Variants in NUP98 observed in about 807,000 individuals in gnomAD.
The protein encoded by NUP98 is nuclear pore complex protein Nup98-Nup96.
In NUP98, 26 loss-of-function variants were observed where a neutral mutation model predicts 191.9. That is an observed-to-expected ratio of 0.14 (90% CI 0.10 to 0.19). The LOEUF (loss-of-function observed/expected upper bound fraction) is 0.19. Among genes scored for constraint, NUP98 ranks in the 10% least tolerant of loss-of-function variants. The probability of loss-of-function intolerance (pLI) is 1.00; values close to 1 mark genes in which losing one functional copy is unlikely to be tolerated. For missense variants in NUP98, 1,941 were observed against 2,178.8 expected, an observed-to-expected ratio of 0.89 and a Z score of 2.17; for synonymous variants, 808 against 778.4, an observed-to-expected ratio of 1.04 and a Z score of -0.63.
chr11:3,788,784 T>TA (rs1166430757), intron 1 of NUP98, among the ~76,000 whole-genome samples: 1 of 151,314 alleles, frequency 6.6e-6, no homozygotes, highest in Non-Finnish European at 1.5e-5. Context: ...CCGTCTCTAC[T>TA]AAAAAATACA....
chr11:3,761,767 A>G (rs933354687), intron 9 of NUP98, among the ~76,000 whole-genome samples: 13 of 151,564 alleles, frequency 8.6e-5, no homozygotes, highest in African/African-American at 3.2e-4. Context: ...TCAAAAAAAC[A>G]AAACAAAACA....
At chr11:3,719,590 G>C in intron 17 of NUP98, 40 bp from the exon 18 acceptor site, 6 of 1,424,148 alleles carry the variant, frequency 4.2e-6, no homozygotes, top group Non-Finnish European at 5.7e-6. Context: ...CATTCTGTAT[G>C]AAGGCAAATA....
chr11:3,778,198 C>CA (rs71302029), intron 4 of NUP98, among the ~76,000 whole-genome samples: 11,116 of 59,862 alleles, frequency 0.19, 893 homozygotes, highest in East Asian at 0.25. Flanking sequence ...GACTCCATCT[C>CA]AAAAAAAAAA....
chr11:3,714,120 T>C (rs2134176028), intron 18 of NUP98, 125 bp from the exon 19 acceptor site: 1 of 989,306 alleles, frequency 1.0e-6, no homozygotes, highest in South Asian at 1.5e-5. Flanking sequence ...TTATTCTGCA[T>C]GTGTCATAAA....
chr11:3,736,532 C>G (rs1170965272), intron 12 of NUP98, among the ~76,000 whole-genome samples: 1 of 152,114 alleles, frequency 6.6e-6, no homozygotes, highest in Non-Finnish European at 1.5e-5. Context: ...GGGCGCACAC[C>G]TATAACCCCA....
At chr11:3,795,320 C>G (rs2082491196) in intron 1 of NUP98, among the ~76,000 whole-genome samples, 1 of 152,096 alleles carries the variant, frequency 6.6e-6, no homozygotes, top group Non-Finnish European at 1.5e-5. Flanking sequence ...GTGGTGCACA[C>G]CTGTGGTCTC....
chr11:3,715,051 C>T (rs913938909), intron 18 of NUP98, among the ~76,000 whole-genome samples: 5 of 152,168 alleles, frequency 3.3e-5, no homozygotes, highest in South Asian at 2.1e-4. Flanking sequence ...TTAACTCTTC[C>T]GGGAACCACC....
chr11:3,680,732 C>T (rs1262303051), intron 30 of NUP98, among the ~76,000 whole-genome samples: 1 of 151,974 alleles, frequency 6.6e-6, no homozygotes, highest in Non-Finnish European at 1.5e-5. Context: ...ACTTTTGGTA[C>T]AGATGGGGTT....
At chr11:3,764,022 C>A (rs1399881795) in intron 8 of NUP98, among the ~76,000 whole-genome samples, 1 of 152,190 alleles carries the variant, frequency 6.6e-6, no homozygotes, top group Non-Finnish European at 1.5e-5. Context: ...TCATAAAATT[C>A]ACTCATTTAC....
In NUP98 at chr11:3,679,659, G is replaced by A; in HGVS notation, c.4968C>T (p.Asp1656=). The change falls in exon 31 of 33, where the codon GAC becomes GAT. Residue 1656 remains aspartate (D), a synonymous_variant. Transcript: ENST00000324932. ...GGCTGCTGCGCTCTGGAGGTGCCAGGTCTTCCAAGAACCCCTTCAGGTAGT... is the reference window on the plus strand; with the variant it reads ...GGCTGCTGCGCTCTGGAGGTGCCAGATCTTCCAAGAACCCCTTCAGGTAGT... ...NYDYLKGFLE[D]LAPPERSSLI... 6.2e-7 allele frequency: 1 copy of A among 1,614,178 alleles called. No individual in the cohort carries two copies. Among genetic ancestry groups the A allele is most frequent in the Non-Finnish European group, 8.5e-7 (1 of 1,180,014 alleles).
At chr11:3,792,352 G>T (rs1436638311) in intron 1 of NUP98, among the ~76,000 whole-genome samples, 1 of 152,204 alleles carries the variant, frequency 6.6e-6, no homozygotes, top group Non-Finnish European at 1.5e-5. Flanking sequence ...GCTCATGCCT[G>T]TAATGCCAGC....
At chr11:3,787,465 C>A (rs1052414623) in intron 1 of NUP98, among the ~76,000 whole-genome samples, 2 of 152,014 alleles carry the variant, frequency 1.3e-5, no homozygotes, top group Non-Finnish European at 2.9e-5. Context: ...TGCCTGTAAT[C>A]CCAGCTACTC....
At chr11:3,775,490 T>A (rs1252952489) in intron 5 of NUP98, among the ~76,000 whole-genome samples, 1 of 151,318 alleles carries the variant, frequency 6.6e-6, no homozygotes, top group African/African-American at 2.4e-5. Flanking sequence ...GAGCTGAGAT[T>A]GCACCACCAC....
chr11:3,776,672 T>C (rs910343378), intron 4 of NUP98, among the ~76,000 whole-genome samples: 2 of 151,138 alleles, frequency 1.3e-5, no homozygotes, highest in African/African-American at 4.9e-5. Context: ...TTTTTTTTTT[T>C]AAGTAGAGAT....
chr11:3,709,135 G>A (rs890359521), intron 20 of NUP98, among the ~76,000 whole-genome samples: 7 of 152,278 alleles, frequency 4.6e-5, no homozygotes, highest in Middle Eastern at 3.4e-3. Context: ...TGAATGACAA[G>A]TCCAAGGTCA....
chr11:3,787,676 C>G (rs2082189527), intron 1 of NUP98, among the ~76,000 whole-genome samples: 1 of 151,546 alleles, frequency 6.6e-6, no homozygotes. Context: ...CTGCCGCACA[C>G]CCTTAAACTC....
intron 1 of NUP98, among the ~76,000 whole-genome samples, chr11:3,793,067 C>T (rs1020788892): frequency 1.2e-4 from 19 of 152,006 alleles, no homozygotes; most frequent in African/African-American, 4.6e-4. Flanking sequence ...GCTGAGATAG[C>T]GCCACTGCAC....
chr11:3,794,364 AGGCTG>A (rs1297132360), intron 1 of NUP98, among the ~76,000 whole-genome samples: 14 of 152,112 alleles, frequency 9.2e-5, no homozygotes, highest in African/African-American at 3.4e-4. Flanking sequence ...GCTGTCGCCC[AGGCTG>A]GAGTGCAGTG....
At chr11:3,676,439 AG>A in intron 32 of NUP98, 63 bp from the exon 33 acceptor site, 1 of 1,602,772 alleles carries the variant, frequency 6.2e-7, no homozygotes, top group Non-Finnish European at 8.5e-7. Flanking sequence ...GTAGGCACTG[AG>A]GGTGGGGTGT....
Sources: gnomAD v4.1 joint callset for allele counts (sites outside exome capture counted in the v4.1 genomes callset) on GRCh38, gnomAD v4.1.1 for gene constraint, MANE v1.5 for transcripts, NCBI Gene and HGNC (gene_info 2026-07-23, HGNC 2026-07-21) for gene names.